COG2: variants seen among roughly 807,000 people sequenced by gnomAD.
COG2 encodes conserved oligomeric Golgi complex subunit 2.
In COG2, 52 loss-of-function variants were observed where a neutral mutation model predicts 90.6. That is an observed-to-expected ratio of 0.57 (90% CI 0.46 to 0.72). The LOEUF (loss-of-function observed/expected upper bound fraction) is 0.72. COG2 is among the 30% of genes least tolerant of loss of function. COG2 has a pLI of 0.00. For synonymous variants in COG2, 337 were observed against 320.4 expected (o/e 1.05, Z -0.55); for missense variants, 829 against 891.2 (o/e 0.93, Z 0.89).
chr1:230,646,443 TCTC>T (rs376649574), intron 1 of COG2, among the ~76,000 whole-genome samples: 31 of 152,222 alleles, frequency 2.0e-4, no homozygotes, highest in African/African-American at 4.6e-4. Flanking sequence ...GCATAATCAT[TCTC>T]CTCCTAGCCA....
At chr1:230,665,026 C>T (rs1165933036) in intron 5 of COG2, among the ~76,000 whole-genome samples, 1 of 152,154 alleles carries the variant, frequency 6.6e-6, no homozygotes, top group African/African-American at 2.4e-5. Context: ...AATTTATAAA[C>T]AGCAAAGAAA....
chr1:230,669,662 C>T, intron 7 of COG2, 127 bp downstream of exon 7: 2 of 811,796 alleles, frequency 2.5e-6, no homozygotes, highest in Non-Finnish European at 3.7e-6. Flanking sequence ...CCTACAGTAC[C>T]AGCTATAAGG....
intron 9 of COG2, chr1:230,678,207 T>C: frequency 1.0e-6 from 1 of 985,422 alleles, no homozygotes; most frequent in Non-Finnish European, 1.2e-6. Flanking sequence ...TTTGGTCAAC[T>C]GACTGACTAG....
Position 230,693,323 on chromosome 1 carries a change from TA to T in COG2, c.2152del (p.Ser718AlafsTer30). On this transcript the variant is annotated frameshift_variant, in exon 18 of 18. Coordinates refer to ENST00000366669, the MANE Select transcript of COG2 (RefSeq NM_007357.3). LOFTEE classifies it high-confidence loss of function. ...AAGTTGGGACTACAAGCAAGTGACA[TA>T]AAAAGCTTCTCAGCTCTCGCAGAGC... The part of the protein sequence containing the change: ...IQKLGLQASD[I>X]KSFSALAELV... 6.2e-7 allele frequency: 1 copy of T among 1,613,716 alleles called. No homozygotes were observed. The highest frequency in any genetic ancestry group is 8.5e-7 in the Non-Finnish European group (1 of 1,179,732).
chr1:230,654,831 C>T (rs1662010908), intron 1 of COG2, among the ~76,000 whole-genome samples: 1 of 152,078 alleles, frequency 6.6e-6, no homozygotes, highest in Admixed American at 6.5e-5. Flanking sequence ...AAGTTGTATT[C>T]CTAGTTATTT....
Position 230,662,275 on chromosome 1 carries a change from C to G in COG2, c.301-866C>G, listed in dbSNP as rs958962839. Among the ~76,000 whole-genome samples, 4 of 152,298 alleles carry G rather than the reference C, an allele frequency of 2.6e-5. No individual in the cohort carries two copies. In the East Asian group the frequency reaches 7.7e-4, roughly 29 times the overall value. ...TTGGCTTCCAACTCATGAAGCTACT[C>G]TGTGAGATTCTGCAGTCGTTGAGAA... On this transcript the variant is annotated intron_variant, in intron 3 of 17. Transcript: ENST00000366669.
intron 13 of COG2, 108 bp downstream of exon 13, chr1:230,687,240 G>A: frequency 1.2e-6 from 1 of 850,016 alleles, no homozygotes. Flanking sequence ...TTAAATTGGG[G>A]GACCCGTGGG....
chr1:230,667,518 G>A (rs1381480447), intron 5 of COG2, among the ~76,000 whole-genome samples: 1 of 152,132 alleles, frequency 6.6e-6, no homozygotes, highest in Non-Finnish European at 1.5e-5. Flanking sequence ...CTGCAAATTT[G>A]AGCTGTAGTG....
intron 7 of COG2, 195 bp downstream of exon 7, chr1:230,669,730 G>T: frequency 2.1e-6 from 1 of 471,476 alleles, no homozygotes; most frequent in South Asian, 5.5e-5. Context: ...CAGGAATTGG[G>T]CGTGCCGTCT....
chr1:230,658,203 A>C (rs1662108661), intron 1 of COG2, among the ~76,000 whole-genome samples: 1 of 152,178 alleles, frequency 6.6e-6, no homozygotes, highest in Non-Finnish European at 1.5e-5. Flanking sequence ...ATCTTTGTGG[A>C]TTAATCTACC....
chr1:230,669,737 G>A (rs928659578), intron 7 of COG2: 7 of 447,678 alleles, frequency 1.6e-5, no homozygotes, highest in African/African-American at 3.9e-5. Flanking sequence ...TGGGCGTGCC[G>A]TCTCAGGTGT....
intron 6 of COG2, 72 bp from the exon 7 acceptor site, chr1:230,669,284 A>G: frequency 7.2e-7 from 1 of 1,391,866 alleles, no homozygotes; most frequent in Non-Finnish European, 9.9e-7. Flanking sequence ...GAGGCTTGTT[A>G]TATATCTACT....
chr1:230,646,512 A>T (rs1052199547), intron 1 of COG2, among the ~76,000 whole-genome samples: 1 of 152,058 alleles, frequency 6.6e-6, no homozygotes, highest in East Asian at 1.9e-4. Flanking sequence ...CATGCTGTGC[A>T]CTTTCCGCAG....
chr1:230,671,326 C>T (rs184600010), intron 7 of COG2, 190 bp from the exon 8 acceptor site: 5 of 464,112 alleles, frequency 1.1e-5, no homozygotes, highest in African/African-American at 2.0e-5. Flanking sequence ...TGTATCTGTA[C>T]AGCCTAATCC....
In COG2 at chr1:230,688,137, A is replaced by G. The variant is rs1026293975; in HGVS notation, c.1645A>G (p.Ile549Val). ...GATTGGCTTTAAGAATTTTTCTTCT[A>G]TCTCAGGTAAAAATGAATCTTGACT... ...EMIGFKNFSS[I>V]SAALEDSQSS... Residue 549 changes from isoleucine (I) to valine (V), a missense_variant, in exon 14 of 18, where the codon ATC becomes GTC. By Grantham distance (29) the Ile-to-Val change is conservative (BLOSUM62 3). Transcript: ENST00000366669. 6.3e-7 allele frequency: 1 copy of G among 1,585,102 alleles called. No homozygotes were observed.
At chr1:230,676,273 C>G (rs1294126228) in intron 9 of COG2, among the ~76,000 whole-genome samples, 1 of 152,052 alleles carries the variant, frequency 6.6e-6, no homozygotes, top group Non-Finnish European at 1.5e-5. Flanking sequence ...TTCTTCCTCC[C>G]TTCTTTTTTC....
intron 1 of COG2, among the ~76,000 whole-genome samples, chr1:230,647,699 T>A (rs1450506557): frequency 6.6e-6 from 1 of 152,170 alleles, no homozygotes; most frequent in East Asian, 1.9e-4. Flanking sequence ...CTCAAGACCC[T>A]CTTGTAAATG....
At chr1:230,672,259 T>A (rs10864766) in intron 8 of COG2, among the ~76,000 whole-genome samples, 1 of 151,942 alleles carries the variant, frequency 6.6e-6, no homozygotes, top group Non-Finnish European at 1.5e-5. Context: ...TTCATGAATC[T>A]TTAGTGGCTT....
chr1:230,681,304 T>C (rs1334894730), intron 10 of COG2: 9 of 152,214 alleles, frequency 5.9e-5, no homozygotes. Context: ...CTTTTTAAAA[T>C]TGAAATCTTT....
Sources: allele counts gnomAD v4.1 joint callset (sites outside exome capture counted in the v4.1 genomes callset), GRCh38; gene constraint gnomAD v4.1.1; transcripts MANE v1.5; gene names NCBI Gene and HGNC (gene_info 2026-07-23, HGNC 2026-07-21).